The following PDE3B variants were observed in gnomAD, a reference collection of about 807,000 sequenced individuals.
The protein encoded by PDE3B is cGMP-inhibited 3',5'-cyclic phosphodiesterase 3B.
A neutral mutation model predicts 116.8 loss-of-function variants in PDE3B; 66 were observed. The ratio of observed to expected loss-of-function variants is 0.56; its 90% confidence interval spans 0.46 to 0.69. The LOEUF is 0.69. PDE3B is among the 30% of genes least tolerant of loss of function. PDE3B has a pLI of 0.00. For missense variants in PDE3B, 1,384 were observed against 1,368.1 expected, an observed-to-expected ratio of 1.01 and a Z score of -0.18; for synonymous variants, 595 against 533.6, an observed-to-expected ratio of 1.12 and a Z score of -1.59.
chr11:14,665,512 G>C (rs1854107832), intron 1 of PDE3B, among the ~76,000 whole-genome samples: 2 of 152,292 alleles, frequency 1.3e-5, no homozygotes, highest in Admixed American at 1.3e-4. Context: ...TGTATACCTA[G>C]AAAACCCCAT....
chr11:14,767,533 G>A (rs1265168784), intron 1 of PDE3B, among the ~76,000 whole-genome samples: 1 of 151,308 alleles, frequency 6.6e-6, no homozygotes, highest in African/African-American at 2.4e-5. Flanking sequence ...ATTGATTGGG[G>A]AGTATAATGC....
intron 1 of PDE3B, chr11:14,674,432 A>G: frequency 1.1e-5 from 7 of 636,374 alleles, no homozygotes; most frequent in Non-Finnish European, 1.8e-5. Context: ...TGTATAAAGT[A>G]TTTCACTTGT....
intron 4 of PDE3B, among the ~76,000 whole-genome samples, chr11:14,792,650 G>T (rs1278819364): frequency 1.3e-5 from 2 of 152,030 alleles, no homozygotes; most frequent in Non-Finnish European, 2.9e-5. Context: ...ACTAATTAAG[G>T]AGGCCATTCC....
At chr11:14,740,318 G>T (rs1342394997) in intron 1 of PDE3B, among the ~76,000 whole-genome samples, 2 of 152,062 alleles carry the variant, frequency 1.3e-5, no homozygotes, top group Non-Finnish European at 2.9e-5. Flanking sequence ...CTTCTTCCTG[G>T]TTTAGACTTG....
chr11:14,869,661 C>T lies in PDE3B; in HGVS notation c.*1C>T, dbSNP rs374822299. On this transcript the variant is annotated 3_prime_UTR_variant, in exon 16 of 16. Transcript: ENST00000282096. ...TGAAGAGGCAGATGAAGAGGAATAG[C>T]GACAGTTTGAGTAAAAGAAAAGTCA... The T allele has an allele frequency of 3.5e-5, 56 of 1,611,980 alleles. No individual in the cohort carries two copies. The East Asian group carries it at 4.7e-4, about 13-fold the overall frequency.
intron 1 of PDE3B, among the ~76,000 whole-genome samples, chr11:14,753,522 A>G (rs771115915): frequency 3.9e-5 from 6 of 152,106 alleles, no homozygotes; most frequent in African/African-American, 7.2e-5. Flanking sequence ...CATGCTGAAA[A>G]TTACGATGGT....
chr11:14,878,346 C>A, the PDE3B span: 1 of 1,561,198 alleles, frequency 6.4e-7, no homozygotes, highest in South Asian at 1.1e-5. Context: ...ACAATCTTTA[C>A]CAAAATTAAT....
chr11:14,676,502 C>T (rs1370721311), intron 1 of PDE3B, among the ~76,000 whole-genome samples: 3 of 152,096 alleles, frequency 2.0e-5, no homozygotes, highest in Non-Finnish European at 4.4e-5. Context: ...AGGGCACTTA[C>T]CATGAATGGA....
intron 1 of PDE3B, among the ~76,000 whole-genome samples, chr11:14,679,540 T>A (rs994379913): frequency 2.0e-5 from 3 of 152,112 alleles, no homozygotes; most frequent in African/African-American, 7.2e-5. Flanking sequence ...ATTTTTTTCC[T>A]TTTCCTTTCT....
chr11:14,808,907 C>A (rs917388257), intron 5 of PDE3B, among the ~76,000 whole-genome samples: 2 of 152,118 alleles, frequency 1.3e-5, no homozygotes, highest in African/African-American at 4.8e-5. Flanking sequence ...GATCAGAAGA[C>A]TTAATATTAT....
the PDE3B span, among the ~76,000 whole-genome samples, chr11:14,896,037 A>C: frequency 6.6e-6 from 1 of 152,172 alleles, no homozygotes; most frequent in Non-Finnish European, 1.5e-5. Context: ...AGGCTAGATC[A>C]ACTTAGAGAA....
chr11:14,707,476 A>G (rs1283486283), intron 1 of PDE3B, among the ~76,000 whole-genome samples: 2 of 151,982 alleles, frequency 1.3e-5, no homozygotes, highest in East Asian at 1.9e-4. Flanking sequence ...AAAGAGAAAT[A>G]TGGAAAATAA....
intron 1 of PDE3B, among the ~76,000 whole-genome samples, chr11:14,737,286 C>T (rs186256736): frequency 1.7e-4 from 26 of 151,912 alleles, no homozygotes; most frequent in African/African-American, 4.1e-4. Context: ...CTCGGCCTCC[C>T]GGGTTCACGC....
chr11:14,738,984 A>C (rs1404784681), intron 1 of PDE3B, among the ~76,000 whole-genome samples: 1 of 152,210 alleles, frequency 6.6e-6, no homozygotes, highest in Non-Finnish European at 1.5e-5. Flanking sequence ...TACTAGTACC[A>C]TGCTGTTTTG....
At chr11:14,646,727 A>G (rs113570052) in intron 1 of PDE3B, among the ~76,000 whole-genome samples, 64 of 152,230 alleles carry the variant, frequency 4.2e-4, no homozygotes, top group East Asian at 1.3e-3. Flanking sequence ...TGTAAGTGGA[A>G]AATTTCTAGG....
intron 1 of PDE3B, among the ~76,000 whole-genome samples, chr11:14,646,321 T>G (rs1243932234): frequency 6.6e-6 from 1 of 152,214 alleles, no homozygotes; most frequent in African/African-American, 2.4e-5. Flanking sequence ...TTTTATGACG[T>G]GTTGAACACT....
intron 1 of PDE3B, among the ~76,000 whole-genome samples, chr11:14,671,709 A>G (rs1047737428): frequency 1.3e-5 from 2 of 152,042 alleles, no homozygotes; most frequent in African/African-American, 2.4e-5. Context: ...TCCCCCATTT[A>G]TCCCTGGATA....
chr11:14,788,461 C>T (rs1393055029), intron 3 of PDE3B, among the ~76,000 whole-genome samples: 3 of 151,966 alleles, frequency 2.0e-5, no homozygotes, highest in Non-Finnish European at 4.4e-5. Flanking sequence ...TCTGAGATTG[C>T]TGCAGTGTCT....
At chr11:14,722,794 G>T (rs1856162522) in intron 1 of PDE3B, among the ~76,000 whole-genome samples, 2 of 152,152 alleles carry the variant, frequency 1.3e-5, no homozygotes, top group Admixed American at 1.3e-4. Context: ...CAGAAACTGA[G>T]ATAAAAAATG....
Sources: allele counts gnomAD v4.1 joint callset (sites outside exome capture counted in the v4.1 genomes callset), GRCh38; gene constraint gnomAD v4.1.1; transcripts MANE v1.5; gene names NCBI Gene and HGNC (gene_info 2026-07-23, HGNC 2026-07-21).